SALL1: variants seen among roughly 807,000 people sequenced by gnomAD.
The protein encoded by SALL1 is sal-like protein 1.
In SALL1, 10 loss-of-function variants were observed where a neutral mutation model predicts 73.1. The ratio of observed to expected loss-of-function variants is 0.14; its 90% CI spans 0.08 to 0.23. The LOEUF (loss-of-function observed/expected upper bound fraction) is 0.23. SALL1 is among the 10% of genes least tolerant of loss of function. The probability of loss-of-function intolerance (pLI) is 1.00; values close to 1 mark genes in which losing one functional copy is unlikely to be tolerated. For synonymous variants in SALL1, 688 were observed against 689.8 expected (o/e 1.00, Z 0.04); for missense variants, 1,520 against 1,697.3 (o/e 0.90, Z 1.84).
Position 51,139,115 on chromosome 16 carries a change from C to G in SALL1, c.3107G>C (p.Arg1036Pro). Residue 1036 changes from arginine to proline, a missense_variant, in exon 2 of 3, where the codon CGT (arginine) becomes CCT (proline). This residue lies in a region of SALL1 where 22 missense variants were observed against 52.0 expected (regional missense o/e 0.42). Transcript: ENST00000251020. ...ERPFICTVCN[R>P]GFSTKGNLKQ... is the part of the protein sequence containing the mutation. The stretch of plus-strand genomic sequence containing the variant: ...CAAATTACCCTTTGTGGAAAAGCCA[C>G]GATTGCAAACTGTGCAAATAAATGG... 1 of 1,614,180 alleles carries G rather than the reference C, an allele frequency of 6.2e-7. No individual in the cohort carries two copies. The highest frequency in any genetic ancestry group is 8.5e-7 in the Non-Finnish European group (1 of 1,180,036).
At chr16:51,148,115 C>T (rs1040638397) in intron 1 of SALL1, among the ~76,000 whole-genome samples, 6 of 152,196 alleles carry the variant, frequency 3.9e-5, no homozygotes, top group Non-Finnish European at 7.3e-5. Context: ...ATCCTGAAAT[C>T]GACCAAATAC....
chr16:51,138,554 G>T, intron 2 of SALL1, 134 bp downstream of exon 2: 1 of 1,179,012 alleles, frequency 8.5e-7, no homozygotes. Flanking sequence ...CGTCAACCAT[G>T]TGCAGCAGGT....
chr16:51,140,184 G>A lies in SALL1; in HGVS notation c.2038C>T (p.Leu680=). Residue 680 remains leucine (L), a synonymous_variant, in exon 2 of 3, where the codon CTG becomes TTG. Coordinates refer to ENST00000251020, the MANE Select transcript of SALL1 (RefSeq NM_002968.3). The surrounding 1 kb of genome is among the most constrained non-coding windows in gnomAD (Gnocchi z 5.7). ...FKAKFPFGGL[L]DSAQASETSK... The stretch of plus-strand genomic sequence containing the variant: ...GTCTCTGATGCCTGAGCTGAGTCCA[G>A]GAGTCCCCCAAAAGGAAACTTGGCC... The A allele has an allele frequency of 6.2e-7, 1 of 1,614,160 alleles. No individual in the cohort carries two copies.
Position 51,141,751 on chromosome 16 carries a change from G to A in SALL1, c.471C>T (p.Ser157=), listed in dbSNP as rs1314370026. Residue 157 remains serine (S), a synonymous_variant, in exon 2 of 3, where the codon AGC becomes AGT. Coordinates refer to ENST00000251020, the MANE Select transcript of SALL1 (RefSeq NM_002968.3). This position sits in a 1 kb window ranked among gnomAD's most constrained non-coding sequence, Gnocchi z 5.4. Reference sequence around the variant, plus strand: ...AGGAGCTGCCGCCGCCGCCGCTGCTGCTGCTGCTGCTGCTGCTGCTGCTTG... The same window carrying A: ...AGGAGCTGCCGCCGCCGCCGCTGCTACTGCTGCTGCTGCTGCTGCTGCTTG... ...TAPSSSSSSS[S]SSGGGGSSST... is the part of the protein sequence containing the mutation. 3 of 1,598,928 alleles carry A rather than the reference G, an allele frequency of 1.9e-6. No homozygotes were observed. Among genetic ancestry groups the A allele is most frequent in the Admixed American group, 3.4e-5 (2 of 59,668 alleles).
In SALL1 at chr16:51,140,013, T is replaced by C; in HGVS notation, c.2209A>G (p.Lys737Glu). Residue 737 changes from lysine (K) to glutamate (E), a missense_variant, in exon 2 of 3, where the codon AAG (lysine) becomes GAG (glutamate). Transcript: ENST00000251020. This position sits in a 1 kb window ranked among gnomAD's most constrained non-coding sequence, Gnocchi z 5.7. ...THTGERPFKC[K>E]ICGRAFTTKG... ...GTGGTGAAAGCCCGGCCACAGATCT[T>C]ACACTTAAAGGGCCTCTCCCCAGTG... is the stretch of plus-strand genomic sequence containing the variant. 1 of 1,614,234 alleles carries C rather than the reference T, an allele frequency of 6.2e-7. No homozygotes were observed.
chr16:51,143,992 T>A (rs932944113), intron 1 of SALL1, among the ~76,000 whole-genome samples: 1 of 150,288 alleles, frequency 6.7e-6, no homozygotes, highest in Non-Finnish European at 1.5e-5. Flanking sequence ...TGGATTCCTA[T>A]GCACATGGAA....
At chr16:51,143,419 A>AAG (rs1434068913) in intron 1 of SALL1, 3 of 319,410 alleles carry the variant, frequency 9.4e-6, no homozygotes, top group South Asian at 7.2e-5. Context: ...CTGTGAAGAA[A>AAG]AAAAAAAAAC....
At chr16:51,143,257 T>A (rs1481775249) in intron 1 of SALL1, 1 of 337,302 alleles carries the variant, frequency 3.0e-6, no homozygotes, top group African/African-American at 2.2e-5. Flanking sequence ...TGCTCAGATG[T>A]CTTCTCACTA....
chr16:51,147,040 C>A (rs552274364), intron 1 of SALL1, among the ~76,000 whole-genome samples: 1 of 152,260 alleles, frequency 6.6e-6, no homozygotes, highest in Admixed American at 6.5e-5. Context: ...CCTATTTCTG[C>A]CCCAGTAAGA....
intron 1 of SALL1, among the ~76,000 whole-genome samples, chr16:51,144,696 C>G (rs1962490551): frequency 6.6e-6 from 1 of 152,186 alleles, no homozygotes; most frequent in African/African-American, 2.4e-5. Context: ...CTGATTATTA[C>G]TTTCCTGCAC....
At position 51,140,995 on chromosome 16, in the gene SALL1, G is replaced by C. The variant is rs368412604; in HGVS notation, c.1227C>G (p.Ile409Met). ...NSVFPSPLPN[I>M]GTTAEDLNSL... ...AGTTTAAATCCTCTGCAGTTGTTCC[G>C]ATGTTGGGCAAAGGGCTGGGGAAAA... Residue 409 changes from isoleucine (I) to methionine (M), a missense_variant, in exon 2 of 3, where the codon ATC (isoleucine) becomes ATG (methionine). By Grantham distance (10) the Ile-to-Met change is conservative. Transcript: ENST00000251020. This position sits in a 1 kb window ranked among gnomAD's most constrained non-coding sequence, Gnocchi z 5.7. 6.2e-7 allele frequency: 1 copy of C among 1,614,224 alleles called. No homozygotes were observed. The highest frequency in any genetic ancestry group is 1.1e-5 in the South Asian group (1 of 91,086).
chr16:51,150,489 G>A (rs1962580998), intron 1 of SALL1: 8 of 985,614 alleles, frequency 8.1e-6, no homozygotes, highest in Admixed American at 6.1e-5. Context: ...ACCGTCTCCG[G>A]AACAACTGGC....
In SALL1 at chr16:51,139,267, A is replaced by C. The variant is rs754383407; in HGVS notation, c.2955T>G (p.Ser985=). 1.4e-5 allele frequency: 23 copies of C among 1,614,062 alleles called. No homozygotes were observed. The highest frequency in any genetic ancestry group is 1.9e-5 in the Non-Finnish European group (22 of 1,180,060). ...SHAEKIIKED[S]LGILFPFRDR... is the part of the protein sequence containing the mutation. ...CTCTAAAAGGGAAGAGGATCCCCAAAGAATCTTCTTTGATGATTTTCTCTG... is the reference window on the plus strand; with the variant it reads ...CTCTAAAAGGGAAGAGGATCCCCAACGAATCTTCTTTGATGATTTTCTCTG... Residue 985 remains serine, a synonymous_variant, in exon 2 of 3, where the codon TCT becomes TCG. Transcript: ENST00000251020.
In SALL1 at chr16:51,138,889, C is replaced by T. The variant is rs761530619; in HGVS notation, c.3333G>A (p.Gly1111=). ...GGGATGTGGCAGAGGAAGACAGAGG[C>T]CCAGACGGGACGTGACTGGTGGGGG... The part of the protein sequence containing the change: ...KDTPTSHVPS[G]PLSSSATSPV... The change falls in exon 2 of 3, where the codon GGG becomes GGA. Residue 1111 remains glycine, a synonymous_variant. Coordinates refer to ENST00000251020, the MANE Select transcript of SALL1 (RefSeq NM_002968.3). 6.2e-7 allele frequency: 1 copy of T among 1,614,130 alleles called. No individual in the cohort carries two copies. Among genetic ancestry groups the T allele is most frequent in the South Asian group, 1.1e-5 (1 of 91,076 alleles).
chr16:51,139,081 G>A lies in SALL1; in HGVS notation c.3141C>T (p.His1047=), dbSNP rs1174582044. 6.2e-7 allele frequency: 1 copy of A among 1,614,110 alleles called. No homozygotes were observed. ...GFSTKGNLKQ[H]MLTHQMRDLP... ...GATCTCGCATCTGATGTGTCAACAT[G>A]TGCTGCTTCAAATTACCCTTTGTGG... Residue 1047 remains histidine (H), a synonymous_variant, in exon 2 of 3, where the codon CAC becomes CAT. Coordinates refer to ENST00000251020, the MANE Select transcript of SALL1 (RefSeq NM_002968.3).
At chr16:51,137,945 T>C (rs1962342771) in intron 2 of SALL1, among the ~76,000 whole-genome samples, 1 of 152,232 alleles carries the variant, frequency 6.6e-6, no homozygotes, top group Non-Finnish European at 1.5e-5. Context: ...TGACACCCTT[T>C]ACCCTATAAA....
In SALL1 at chr16:51,141,349, C is replaced by T; in HGVS notation, c.873G>A (p.Gln291=). The change falls in exon 2 of 3, where the codon CAG becomes CAA. Residue 291 remains glutamine, a synonymous_variant. Transcript: ENST00000251020. This position sits in a 1 kb window ranked among gnomAD's most constrained non-coding sequence, Gnocchi z 5.4. ...CCAATCCAGCTGCTGCTGCCAGCTGCTGAGATAAATGGGAACTTAGCGTGG... is the reference window on the plus strand; with the variant it reads ...CCAATCCAGCTGCTGCTGCCAGCTGTTGAGATAAATGGGAACTTAGCGTGG... ...PLSTLSSHLS[Q]QLAAAAGLAQ... 1 of 1,613,560 alleles carries T rather than the reference C, an allele frequency of 6.2e-7. No individual in the cohort carries two copies. Among genetic ancestry groups the T allele is most frequent in the Non-Finnish European group, 8.5e-7 (1 of 1,180,002 alleles).
rs373381154 is a variant in SALL1, at chr16:51,141,715, G to A, written c.507C>T (p.Thr169=). ...GAGGTAGAGAGGTTGTGATCGCTGA[G>A]GTACCTGTGGAGGAGCTGCCGCCGC... ...SGGGGSSSTG[T]SAITTSLPQL... Residue 169 remains threonine, a synonymous_variant, in exon 2 of 3, where the codon ACC becomes ACT. Transcript: ENST00000251020. The surrounding 1 kb of genome is among the most constrained non-coding windows in gnomAD (Gnocchi z 5.4). 5.6e-6 allele frequency: 9 copies of A among 1,613,508 alleles called. No individual in the cohort carries two copies. In the African/African-American group the frequency reaches 9.4e-5, roughly 17 times the overall value.
At chr16:51,147,142 G>C (rs574834361) in intron 1 of SALL1, among the ~76,000 whole-genome samples, 1 of 152,292 alleles carries the variant, frequency 6.6e-6, no homozygotes, top group African/African-American at 2.4e-5. Context: ...AAAACAAATA[G>C]AGCCCCCAAA....
Sources: gnomAD v4.1 joint callset for allele counts (sites outside exome capture counted in the v4.1 genomes callset) on GRCh38, gnomAD v4.1.1 for gene constraint, gnomAD v4.1.1 regional missense constraint, Gnocchi (gnomAD v3.1) non-coding constraint, MANE v1.5 for transcripts, NCBI Gene and HGNC (gene_info 2026-07-23, HGNC 2026-07-21) for gene names.